The following WSCD1 variants were observed in gnomAD, a reference collection of about 807,000 sequenced individuals.
WSCD1 encodes WSC domain sialate O sulfotransferase 1.
Under a neutral mutation model 60.4 loss-of-function variants are expected in WSCD1, and 41 were observed. That is an observed-to-expected ratio of 0.68 (90% CI 0.53 to 0.88). The LOEUF (loss-of-function observed/expected upper bound fraction) is 0.88, where lower values mean the gene tolerates loss of function less well. Ranked by LOEUF, WSCD1 falls within the 40% of genes least tolerant of loss-of-function variation. The pLI, the probability that WSCD1 is intolerant of heterozygous loss-of-function variation, is 0.00. For missense variants in WSCD1, 784 were observed against 796.2 expected, an observed-to-expected ratio of 0.98 and a Z score of 0.18; for synonymous variants, 361 against 332.5, an observed-to-expected ratio of 1.09 and a Z score of -0.93.
chr17:6,074,313 TTTG>T (rs1222682486), intron 1 of WSCD1, among the ~76,000 whole-genome samples: 3 of 152,176 alleles, frequency 2.0e-5, no homozygotes, highest in Non-Finnish European at 2.9e-5. Context: ...CCAACAGATT[TTTG>T]TTTAGTGGGT....
Position 6,121,043 on chromosome 17 carries a change from T to C in WSCD1, c.*382T>C, listed in dbSNP as rs1403133652. On this transcript the variant is annotated 3_prime_UTR_variant, in exon 9 of 9. Transcript: ENST00000317744. Reference sequence around the variant, plus strand: ...CTCCTGGAGGCTGGCTGGCTGTCTCTCTCACACAGATACACGTGCGCTCCC... The same window carrying C: ...CTCCTGGAGGCTGGCTGGCTGTCTCCCTCACACAGATACACGTGCGCTCCC... 4.1e-6 allele frequency: 1 copy of C among 246,356 alleles called. No individual in the cohort carries two copies. Among genetic ancestry groups the C allele is most frequent in the Non-Finnish European group, 7.9e-6 (1 of 126,870 alleles). 15.3% of individuals were successfully genotyped at this position (246,356 alleles called of 1,614,324 possible).
chr17:6,091,643 G>C (rs1910049573), intron 4 of WSCD1, among the ~76,000 whole-genome samples: 1 of 152,222 alleles, frequency 6.6e-6, no homozygotes, highest in Admixed American at 6.5e-5. Flanking sequence ...GTGCACTGTT[G>C]CACATGCTGG....
At chr17:6,095,908 G>T (rs566749315) in intron 5 of WSCD1, among the ~76,000 whole-genome samples, 1 of 152,326 alleles carries the variant, frequency 6.6e-6, no homozygotes, top group Admixed American at 6.5e-5. Flanking sequence ...TCTAGAAATG[G>T]CCCTTGGTGG....
In WSCD1 at chr17:6,095,219, A is replaced by G; in HGVS notation, c.845A>G (p.Gln282Arg). ...GGGACTTGCTCGGGCTTTTGTTCCCAGAAAGTAAGACCAAGTGATCATTTC... is the reference window on the plus strand; with the variant it reads ...GGGACTTGCTCGGGCTTTTGTTCCCGGAAAGTAAGACCAAGTGATCATTTC... ...TVGTCSGFCS[Q>R]KEFPLAILRG... The change falls in exon 5 of 9, where the codon CAG becomes CGG. Residue 282 changes from glutamine to arginine, a missense_variant. Physicochemically the swap from Gln to Arg is conservative, Grantham distance 43. Transcript: ENST00000317744. The G allele has an allele frequency of 6.2e-7, 1 of 1,612,944 alleles. No homozygotes were observed. Among genetic ancestry groups the G allele is most frequent in the Non-Finnish European group, 8.5e-7 (1 of 1,179,514 alleles).
chr17:6,111,383 C>CCA (rs1177856399), intron 7 of WSCD1, among the ~76,000 whole-genome samples: 3 of 152,126 alleles, frequency 2.0e-5, no homozygotes, highest in Non-Finnish European at 2.9e-5. Context: ...GTGCAGATAT[C>CCA]AATGCAGTCA....
chr17:6,106,275 C>T (rs1911081356), intron 5 of WSCD1, among the ~76,000 whole-genome samples: 1 of 152,166 alleles, frequency 6.6e-6, no homozygotes, highest in Non-Finnish European at 1.5e-5. Flanking sequence ...ATGAGAAATG[C>T]AAACTTTTTT....
chr17:6,106,795 G>A (rs909438559), intron 5 of WSCD1, among the ~76,000 whole-genome samples: 1 of 152,140 alleles, frequency 6.6e-6, no homozygotes, highest in African/African-American at 2.4e-5. Context: ...GGGTGGCCAG[G>A]GAAGGCCCCA....
At chr17:6,108,720 T>C (rs1352261700) in intron 5 of WSCD1, among the ~76,000 whole-genome samples, 1 of 152,196 alleles carries the variant, frequency 6.6e-6, no homozygotes, top group African/African-American at 2.4e-5. Context: ...TGCTCAAGGG[T>C]GCCTAGCAAG....
chr17:6,109,513 A>C, intron 5 of WSCD1, 94 bp from the exon 6 acceptor site: 1 of 1,512,040 alleles, frequency 6.6e-7, no homozygotes, highest in Non-Finnish European at 9.0e-7. Flanking sequence ...TACAGCTGGC[A>C]ATACATCGTC....
intron 5 of WSCD1, among the ~76,000 whole-genome samples, chr17:6,098,812 G>A (rs1231147751): frequency 6.6e-6 from 1 of 152,216 alleles, no homozygotes; most frequent in East Asian, 1.9e-4. Context: ...ATGCTGAGAC[G>A]GTGGGCACAG....
At chr17:6,073,565 G>A (rs1013730698) in intron 1 of WSCD1, among the ~76,000 whole-genome samples, 4 of 152,238 alleles carry the variant, frequency 2.6e-5, no homozygotes, top group Non-Finnish European at 5.9e-5. Context: ...AGGAGGCGGA[G>A]GTTGCGGTGA....
Position 6,080,696 on chromosome 17 carries a change from G to C in WSCD1, c.38G>C (p.Arg13Pro), listed in dbSNP as rs1195520086. 6.2e-7 allele frequency: 1 copy of C among 1,613,482 alleles called. No homozygotes were observed. The highest frequency in any genetic ancestry group is 1.3e-5 in the African/African-American group (1 of 74,906). ...KPFFRLQKFL[R>P]RTQFLLFFLT... ...TTCTTCCGACTCCAGAAGTTTCTCC[G>C]CCGAACACAGTTCCTGCTGTTCTTC... The change falls in exon 2 of 9, where the codon CGC becomes CCC. Residue 13 changes from arginine to proline, a missense_variant. Transcript: ENST00000317744. The surrounding 1 kb of genome is among the most constrained non-coding windows in gnomAD (Gnocchi z 6.6).
intron 5 of WSCD1, among the ~76,000 whole-genome samples, chr17:6,096,375 C>A (rs547136872): frequency 1.3e-5 from 2 of 152,048 alleles, no homozygotes; most frequent in Non-Finnish European, 1.5e-5. Context: ...TCTGCTGCAC[C>A]CCCCCACTCC....
chr17:6,077,712 A>G (rs751735890), intron 1 of WSCD1, among the ~76,000 whole-genome samples: 2 of 152,232 alleles, frequency 1.3e-5, no homozygotes, highest in Non-Finnish European at 2.9e-5. Context: ...TAGAAAGTCT[A>G]TACGGAATTC....
intron 5 of WSCD1, among the ~76,000 whole-genome samples, chr17:6,104,683 G>C (rs1910988383): frequency 6.6e-6 from 1 of 152,224 alleles, no homozygotes; most frequent in Non-Finnish European, 1.5e-5. Flanking sequence ...CCTCTGGAGT[G>C]AAGGGAACTG....
chr17:6,085,963 G>A (rs1482384194), intron 2 of WSCD1, among the ~76,000 whole-genome samples: 1 of 152,144 alleles, frequency 6.6e-6, no homozygotes, highest in Admixed American at 6.5e-5. Flanking sequence ...AGTAGCATGT[G>A]CCTGTGGGCG....
chr17:6,099,704 G>T (rs772493557), intron 5 of WSCD1, among the ~76,000 whole-genome samples: 2 of 151,762 alleles, frequency 1.3e-5, no homozygotes, highest in Admixed American at 1.3e-4. Context: ...CAAGGGCTAC[G>T]TAAATGACAC....
At chr17:6,107,779 A>G (rs1393152769) in intron 5 of WSCD1, among the ~76,000 whole-genome samples, 1 of 152,132 alleles carries the variant, frequency 6.6e-6, no homozygotes, top group East Asian at 1.9e-4. Context: ...GGAGGTGGCA[A>G]TTCTTGAAGT....
At position 6,109,609 on chromosome 17, in the gene WSCD1, G is replaced by A; in HGVS notation, c.852G>A (p.Glu284=). 2.5e-6 allele frequency: 4 copies of A among 1,613,456 alleles called. No individual in the cohort carries two copies. The highest frequency in any genetic ancestry group is 2.2e-5 in the East Asian group (1 of 44,848). The change falls in exon 6 of 9, where the codon GAG becomes GAA. Residue 284 remains glutamate (E), a splice_region_variant and synonymous_variant. Coordinates refer to ENST00000317744, the MANE Select transcript of WSCD1 (RefSeq NM_015253.2). ...GTCSGFCSQK[E]FPLAILRGWE... ...CTCTTCTTATCGTTCCCTGGCAGGA[G>A]TTCCCCTTGGCCATTCTCAGGGGCT... is the stretch of plus-strand genomic sequence containing the variant.
Sources: gnomAD v4.1 joint callset for allele counts (sites outside exome capture counted in the v4.1 genomes callset) on GRCh38, gnomAD v4.1.1 for gene constraint, Gnocchi (gnomAD v3.1) non-coding constraint, MANE v1.5 for transcripts, NCBI Gene and HGNC (gene_info 2026-07-23, HGNC 2026-07-21) for gene names.